The following BSN variants were observed in gnomAD, a reference collection of about 807,000 sequenced individuals.
The protein encoded by BSN is bassoon presynaptic cytomatrix protein.
BSN carries 57 observed loss-of-function variants against 264.8 expected under a neutral mutation model. The ratio of observed to expected loss-of-function variants is 0.22; its 90% confidence interval spans 0.17 to 0.27. The LOEUF (loss-of-function observed/expected upper bound fraction) is 0.27. Ranked by LOEUF, BSN falls within the 10% of genes least tolerant of loss-of-function variation. BSN has a pLI of 1.00. For synonymous variants in BSN, 2,059 were observed against 2,137.3 expected, an observed-to-expected ratio of 0.96 and a Z score of 1.01; for missense variants, 4,615 against 5,232.5, an observed-to-expected ratio of 0.88 and a Z score of 3.64.
chr3:49,672,000 C>T (rs568816950), downstream of BSN, among the ~76,000 whole-genome samples: 32 of 151,160 alleles, frequency 2.1e-4, no homozygotes, highest in Non-Finnish European at 4.1e-4. The surrounding 1 kb of genome is among the most constrained non-coding windows in gnomAD (Gnocchi z 4.1). Context: ...TACCTCCTTA[C>T]CGAAGTCACC....
At chr3:49,614,617 A>G (rs2052244780) in intron 1 of BSN, among the ~76,000 whole-genome samples, 1 of 152,172 alleles carries the variant, frequency 6.6e-6, no homozygotes, top group African/African-American at 2.4e-5. Flanking sequence ...AGGCAGGTCT[A>G]AGGGTTTGGT....
intron 1 of BSN, among the ~76,000 whole-genome samples, chr3:49,577,097 T>C (rs1162813881): frequency 6.6e-6 from 1 of 152,132 alleles, no homozygotes; most frequent in Non-Finnish European, 1.5e-5. Flanking sequence ...TCAACAAATA[T>C]GTATTGAGCA....
chr3:49,568,755 A>C (rs56116382), intron 1 of BSN, among the ~76,000 whole-genome samples: 28,123 of 152,196 alleles, frequency 0.18, 2,828 homozygotes, highest in African/African-American at 0.21. Context: ...CACAGTGAGG[A>C]ATCTGGAAAA....
intron 1 of BSN, among the ~76,000 whole-genome samples, chr3:49,556,154 A>G (rs977609209): frequency 6.6e-6 from 1 of 152,162 alleles, no homozygotes; most frequent in African/African-American, 2.4e-5. Context: ...AGCTTGAGGG[A>G]GGCTCACCCA....
At chr3:49,614,101 C>T (rs11710905) in intron 1 of BSN, among the ~76,000 whole-genome samples, 10,299 of 147,920 alleles carry the variant, frequency 0.07, 496 homozygotes, top group Non-Finnish European at 0.1. Context: ...GCTCTGTCGC[C>T]CAGGCCAGAG....
In BSN at chr3:49,642,179, G is replaced by C; in HGVS notation, c.634-89G>C. Reference sequence around the variant, plus strand: ...GGTGCTCCTGCCTGTGCTAGGAGTGGCCTTGGCTGCTGTGGGGCCTGCACT... The same window carrying C: ...GGTGCTCCTGCCTGTGCTAGGAGTGCCCTTGGCTGCTGTGGGGCCTGCACT... On this transcript the variant is annotated intron_variant, in intron 2 of 11. Coordinates refer to ENST00000296452, the MANE Select transcript of BSN (RefSeq NM_003458.4). This position sits in a 1 kb window ranked among gnomAD's most constrained non-coding sequence, Gnocchi z 7.0. 2 of 1,091,702 alleles carry C rather than the reference G, an allele frequency of 1.8e-6. No homozygotes were observed. Among genetic ancestry groups the C allele is most frequent in the Non-Finnish European group, 2.5e-6 (2 of 798,624 alleles). The allele number at this position is 1,091,702 out of a possible 1,614,324, so 67.6% of individuals were successfully genotyped here. A position where few individuals can be genotyped will look rare whatever the true frequency, so the allele number is the denominator to read the frequency against.
At chr3:49,634,758 A>G (rs1170493628) in intron 2 of BSN, among the ~76,000 whole-genome samples, 1 of 152,252 alleles carries the variant, frequency 6.6e-6, no homozygotes, top group Non-Finnish European at 1.5e-5. Context: ...ATTATGAATT[A>G]TTAATGCCAC....
At chr3:49,561,543 A>AT (rs140416796) in intron 1 of BSN, among the ~76,000 whole-genome samples, 1 of 152,122 alleles carries the variant, frequency 6.6e-6, no homozygotes, top group Non-Finnish European at 1.5e-5. Context: ...CATTAAAAAA[A>AT]TTTTTTTAAT....
chr3:49,600,650 A>G (rs2052066710), intron 1 of BSN, among the ~76,000 whole-genome samples: 3 of 135,874 alleles, frequency 2.2e-5, no homozygotes, highest in Admixed American at 2.1e-4. Flanking sequence ...TAAAAATAAA[A>G]AAAATTAGTC....
chr3:49,606,165 C>A lies in BSN; in HGVS notation c.225-18810C>A, dbSNP rs1225058466. ...ATTATATATGTATATATTATATATA[C>A]ATATATTATATATGTATATATATTA... On this transcript the variant is annotated intron_variant, in intron 1 of 11. Transcript: ENST00000296452. Among the ~76,000 whole-genome samples the A allele has an allele frequency of 5.8e-4, 17 of 29,364 alleles. 1 individual carries two copies. Among genetic ancestry groups the A allele is most frequent in the South Asian group, 6.1e-3 (2 of 326 alleles). 19.3% of individuals were successfully genotyped at this position (29,364 alleles called of 152,430 possible).
chr3:49,656,507 T>C lies in BSN; in HGVS notation c.6951T>C (p.Ala2317=). 1 of 1,586,782 alleles carries C rather than the reference T, an allele frequency of 6.3e-7. No individual in the cohort carries two copies. Among genetic ancestry groups the C allele is most frequent in the East Asian group, 2.2e-5 (1 of 44,482 alleles). The part of the protein sequence containing the change: ...REEPLPTTTP[A]AIKEAAGAPA... ...AGCCTCTTCCCACAACCACCCCTGC[T>C]GCCATCAAGGAGGCTGCAGGAGCCC... The change falls in exon 5 of 12, where the codon GCT becomes GCC. Residue 2317 remains alanine, a synonymous_variant. Coordinates refer to ENST00000296452, the MANE Select transcript of BSN (RefSeq NM_003458.4).
chr3:49,654,612 C>T lies in BSN; in HGVS notation c.5056C>T (p.Leu1686Phe). 5 of 1,613,972 alleles carry T rather than the reference C, an allele frequency of 3.1e-6. No individual in the cohort carries two copies. The highest frequency in any genetic ancestry group is 4.2e-6 in the Non-Finnish European group (5 of 1,179,950). Residue 1686 changes from leucine to phenylalanine, a missense_variant, in exon 5 of 12, where the codon CTC (leucine) becomes TTC (phenylalanine). By Grantham distance (22) the Leu-to-Phe change is conservative. This residue lies in a region of BSN where 3,415 missense variants were observed against 3,866.4 expected (regional missense o/e 0.88). Transcript: ENST00000296452. The surrounding 1 kb of genome is among the most constrained non-coding windows in gnomAD (Gnocchi z 4.1). ...CATCCTCACTGACCAGGGCATGGAC[C>T]TCACCTCTCTTGCTGTGGAAGCGAG... The part of the protein sequence containing the change: ...PIILTDQGMD[L>F]TSLAVEARKY...
intron 1 of BSN, among the ~76,000 whole-genome samples, chr3:49,594,890 A>ATTT (rs35658408): frequency 1.1e-4 from 16 of 144,292 alleles, no homozygotes; most frequent in Non-Finnish European, 1.7e-4. Context: ...AGATCCTACA[A>ATTT]TTTTTTTTTT....
rs772399294 is a variant in BSN, at chr3:49,654,264, A to G, written c.4708A>G (p.Arg1570Gly). 1 of 1,613,210 alleles carries G rather than the reference A, an allele frequency of 6.2e-7. No homozygotes were observed. The highest frequency in any genetic ancestry group is 2.2e-5 in the East Asian group (1 of 44,876). ...TLASDASSQT[R>G]MVHASASTSP... ...GGCATCTGACGCCTCCAGCCAGACCAGGATGGTACATGCCAGTGCCTCCAC... is the reference window on the plus strand; with the variant it reads ...GGCATCTGACGCCTCCAGCCAGACCGGGATGGTACATGCCAGTGCCTCCAC... The change falls in exon 5 of 12, where the codon AGG becomes GGG. Residue 1570 changes from arginine to glycine, a missense_variant. Around this residue, in one of 3 missense-constraint regions of BSN, gnomAD observed 3,415 missense variants for 3,866.4 expected, o/e 0.88. Coordinates refer to ENST00000296452, the MANE Select transcript of BSN (RefSeq NM_003458.4). The surrounding 1 kb of genome is among the most constrained non-coding windows in gnomAD (Gnocchi z 4.1).
At position 49,655,622 on chromosome 3, in the gene BSN, C is replaced by G; in HGVS notation, c.6066C>G (p.Ser2022=). ...SAMDLSSLKH[S]YSLGFADGRY... ...TGGACCTCAGCTCACTGAAGCACTC[C>G]TACAGCCTGGGCTTTGCGGATGGAC... The change falls in exon 5 of 12, where the codon TCC becomes TCG. Residue 2022 remains serine, a synonymous_variant. Coordinates refer to ENST00000296452, the MANE Select transcript of BSN (RefSeq NM_003458.4). 6.2e-7 allele frequency: 1 copy of G among 1,613,732 alleles called. No homozygotes were observed. The highest frequency in any genetic ancestry group is 1.1e-5 in the South Asian group (1 of 91,086).
At chr3:49,622,047 AGAGGGG>A (rs994927627) in intron 1 of BSN, among the ~76,000 whole-genome samples, 3 of 152,098 alleles carry the variant, frequency 2.0e-5, no homozygotes, top group African/African-American at 7.2e-5. Flanking sequence ...GATCCAATAG[AGAGGGG>A]GAAATGGATG....
intron 1 of BSN, among the ~76,000 whole-genome samples, chr3:49,618,009 G>C (rs558801884): frequency 6.6e-6 from 1 of 152,262 alleles, no homozygotes; most frequent in East Asian, 1.9e-4. Flanking sequence ...CTATAACCCT[G>C]TGGGGTCATT....
rs1230842146 is a variant in BSN at position 49,671,329 on chromosome 3, C to G, written c.*3844C>G. ...CCTCCCTCTCTCCCTTTCTTTCCTTCTCTCCTTCTTTATTTGAGGGGGGAA... is the reference window on the plus strand; with the variant it reads ...CCTCCCTCTCTCCCTTTCTTTCCTTGTCTCCTTCTTTATTTGAGGGGGGAA... On this transcript the variant is annotated 3_prime_UTR_variant, in exon 12 of 12. Transcript: ENST00000296452. The surrounding 1 kb of genome is among the most constrained non-coding windows in gnomAD (Gnocchi z 4.1). 6.6e-6 allele frequency: 1 copy of G among 152,624 alleles called. No individual in the cohort carries two copies. The highest frequency in any genetic ancestry group is 2.4e-5 in the African/African-American group (1 of 41,406). 9.5% of individuals were successfully genotyped at this position (152,624 alleles called of 1,614,324 possible). A position where few individuals can be genotyped will look rare whatever the true frequency, so the allele number is the denominator to read the frequency against.
At chr3:49,567,593 C>T (rs1021373334) in intron 1 of BSN, among the ~76,000 whole-genome samples, 1 of 152,190 alleles carries the variant, frequency 6.6e-6, no homozygotes, top group African/African-American at 2.4e-5. Context: ...GTGTGCCTAA[C>T]CTCACAGCAC....
Sources: gnomAD v4.1 joint callset for allele counts (sites outside exome capture counted in the v4.1 genomes callset) on GRCh38, gnomAD v4.1.1 for gene constraint, gnomAD v4.1.1 regional missense constraint, Gnocchi (gnomAD v3.1) non-coding constraint, MANE v1.5 for transcripts, NCBI Gene and HGNC (gene_info 2026-07-23, HGNC 2026-07-21) for gene names.